JMJD1C: variants seen among roughly 807,000 people sequenced by gnomAD.
The protein encoded by JMJD1C is jumonji domain-containing protein 1C.
JMJD1C carries 31 observed loss-of-function variants against 245.3 expected under a neutral mutation model. That is an observed-to-expected ratio of 0.13 (90% CI 0.09 to 0.17). The LOEUF is 0.17. Ranked by LOEUF, JMJD1C falls within the 10% of genes least tolerant of loss-of-function variation. The pLI is 1.00. For synonymous variants in JMJD1C, 1,057 were observed against 1,017.4 expected (o/e 1.04, Z -0.74); for missense variants, 2,691 against 3,000.2 (o/e 0.90, Z 2.41).
chr10:63,177,901 A>G (rs766076337), intron 22 of JMJD1C, 45 bp from the exon 23 acceptor site: 21 of 1,592,730 alleles, frequency 1.3e-5, no homozygotes, highest in Non-Finnish European at 1.8e-5. Context: ...AAAGAATACC[A>G]GAAAGCCAAG....
chr10:63,195,374 A>G (rs999362881), intron 13 of JMJD1C, among the ~76,000 whole-genome samples: 1 of 150,334 alleles, frequency 6.7e-6, no homozygotes, highest in Admixed American at 6.6e-5. Flanking sequence ...AAAAAAATCT[A>G]GAACTATTGT....
intron 3 of JMJD1C, among the ~76,000 whole-genome samples, chr10:63,241,119 T>TAC (rs1176653067): frequency 6.6e-6 from 1 of 152,202 alleles, no homozygotes; most frequent in Non-Finnish European, 1.5e-5. Flanking sequence ...TTTATGCACA[T>TAC]ACACACACAC....
intron 2 of JMJD1C, among the ~76,000 whole-genome samples, chr10:63,336,866 CAG>C (rs1196049255): frequency 1.3e-5 from 2 of 152,070 alleles, no homozygotes; most frequent in African/African-American, 4.8e-5. Flanking sequence ...TTTTTTAAGA[CAG>C]AGACTTGCTC....
At chr10:63,464,682 G>A (rs1205191936) in intron 1 of JMJD1C, among the ~76,000 whole-genome samples, 1 of 142,326 alleles carries the variant, frequency 7.0e-6, no homozygotes, top group African/African-American at 2.5e-5. Flanking sequence ...CACTGGCAGC[G>A]TCACATGTAA....
chr10:63,372,262 G>A (rs1237385218), intron 2 of JMJD1C, among the ~76,000 whole-genome samples: 1 of 152,166 alleles, frequency 6.6e-6, no homozygotes, highest in Non-Finnish European at 1.5e-5. Flanking sequence ...TGAAGGAAAA[G>A]CTACATTGAG....
At chr10:63,280,759 T>C (rs1857288021) in intron 2 of JMJD1C, among the ~76,000 whole-genome samples, 1 of 152,194 alleles carries the variant, frequency 6.6e-6, no homozygotes, top group South Asian at 2.1e-4. Context: ...CTACCACTTG[T>C]GTATATATAA....
chr10:63,441,150 G>T (rs1294921283), intron 1 of JMJD1C, among the ~76,000 whole-genome samples: 1 of 152,156 alleles, frequency 6.6e-6, no homozygotes, highest in Admixed American at 6.5e-5. Context: ...ATATACAAAA[G>T]AACTGAAAGC....
chr10:63,376,368 A>AT (rs201675262), intron 2 of JMJD1C, among the ~76,000 whole-genome samples: 13 of 151,650 alleles, frequency 8.6e-5, no homozygotes, highest in Non-Finnish European at 1.2e-4. Context: ...GGATTTGGCA[A>AT]TTTTTTTTTA....
intron 1 of JMJD1C, among the ~76,000 whole-genome samples, chr10:63,387,058 C>T (rs1237566417): frequency 6.6e-6 from 1 of 152,118 alleles, no homozygotes; most frequent in African/African-American, 2.4e-5. Context: ...ACAACACTGA[C>T]CCTGTTTAAT....
intron 1 of JMJD1C, among the ~76,000 whole-genome samples, chr10:63,462,611 G>A (rs1216793873): frequency 6.6e-6 from 1 of 152,164 alleles, no homozygotes; most frequent in Non-Finnish European, 1.5e-5. Context: ...AGTGTAATGG[G>A]GAAGCAGGAG....
At chr10:63,392,867 AAC>A (rs34778084) in intron 1 of JMJD1C, among the ~76,000 whole-genome samples, 5,976 of 112,186 alleles carry the variant, frequency 0.053, 173 homozygotes, top group African/African-American at 0.081. Flanking sequence ...AAAGTACATA[AAC>A]ACACACACAC....
intron 2 of JMJD1C, among the ~76,000 whole-genome samples, chr10:63,316,152 A>G (rs1415831305): frequency 6.6e-6 from 1 of 152,228 alleles, no homozygotes; most frequent in Non-Finnish European, 1.5e-5. Context: ...AGCCTGGGCT[A>G]TAGAGCAAGA....
chr10:63,425,726 G>A (rs1950402188), intron 1 of JMJD1C, among the ~76,000 whole-genome samples: 1 of 152,176 alleles, frequency 6.6e-6, no homozygotes, highest in South Asian at 2.1e-4. Flanking sequence ...AGGTGGCAGT[G>A]AGCCAAGATT....
At chr10:63,327,232 G>A (rs560185368) in intron 2 of JMJD1C, among the ~76,000 whole-genome samples, 1 of 152,174 alleles carries the variant, frequency 6.6e-6, no homozygotes, top group African/African-American at 2.4e-5. Flanking sequence ...TCTGAAAAGG[G>A]GCAAGTGTTA....
At chr10:63,416,289 G>C (rs1486130547) in intron 1 of JMJD1C, among the ~76,000 whole-genome samples, 1 of 149,148 alleles carries the variant, frequency 6.7e-6, no homozygotes, top group Non-Finnish European at 1.5e-5. Context: ...CATAGCCGAA[G>C]ACATTTTAAA....
intron 1 of JMJD1C, chr10:63,465,203 G>T: frequency 2.7e-6 from 1 of 374,118 alleles, no homozygotes; most frequent in South Asian, 7.2e-5. Flanking sequence ...CTCCGTGGCC[G>T]CCCAGGCGCC....
chr10:63,290,933 T>C (rs1285477721), intron 2 of JMJD1C, among the ~76,000 whole-genome samples: 2 of 152,188 alleles, frequency 1.3e-5, no homozygotes, highest in African/African-American at 2.4e-5. Flanking sequence ...TATTAGTTGT[T>C]TCAAAACATG....
At chr10:63,353,592 TGCA>T in intron 2 of JMJD1C, among the ~76,000 whole-genome samples, 1 of 152,092 alleles carries the variant, frequency 6.6e-6, no homozygotes, top group Non-Finnish European at 1.5e-5. Context: ...CTCGGCTCAC[TGCA>T]ACCTCTTCCT....
intron 18 of JMJD1C, 118 bp downstream of exon 18, chr10:63,189,050 C>T: frequency 2.5e-6 from 2 of 791,472 alleles, no homozygotes; most frequent in Non-Finnish European, 1.9e-6. Flanking sequence ...CTTATTGTCC[C>T]CCAAATGTGT....
Sources: gnomAD v4.1 joint callset for allele counts (sites outside exome capture counted in the v4.1 genomes callset) on GRCh38, gnomAD v4.1.1 for gene constraint, MANE v1.5 for transcripts, NCBI Gene and HGNC (gene_info 2026-07-23, HGNC 2026-07-21) for gene names.